Variants in GLRA3 observed in about 807,000 individuals in gnomAD.
The protein encoded by GLRA3 is glycine receptor subunit alpha-3.
GLRA3 carries 44 observed loss-of-function variants against 60.4 expected under a neutral mutation model. The ratio of observed to expected loss-of-function variants is 0.73; its 90% CI spans 0.57 to 0.94. The LOEUF (loss-of-function observed/expected upper bound fraction) is 0.94, where lower values mean the gene tolerates loss of function less well. GLRA3 is among the 40% of genes least tolerant of loss of function. The pLI is 0.00. For missense variants in GLRA3, 508 were observed against 564.6 expected (o/e 0.90, Z 1.02); for synonymous variants, 223 against 192.9 (o/e 1.16, Z -1.29).
At chr4:174,736,236 G>A (rs1388388458) in intron 3 of GLRA3, among the ~76,000 whole-genome samples, 8 of 151,670 alleles carry the variant, frequency 5.3e-5, no homozygotes, top group African/African-American at 1.9e-4. Context: ...TTAAAAAATT[G>A]TGGTCAAATA....
chr4:174,754,346 T>C (rs1737603187), intron 3 of GLRA3, among the ~76,000 whole-genome samples: 1 of 152,166 alleles, frequency 6.6e-6, no homozygotes, highest in Non-Finnish European at 1.5e-5. Flanking sequence ...TGGTTACTCA[T>C]GCATGGAATT....
chr4:174,804,609 G>A (rs191886470), intron 1 of GLRA3, among the ~76,000 whole-genome samples: 2 of 152,092 alleles, frequency 1.3e-5, no homozygotes, highest in African/African-American at 4.8e-5. Context: ...CATTCATCTG[G>A]GATAACACCC....
At chr4:174,783,134 G>C (rs890537691) in intron 2 of GLRA3, among the ~76,000 whole-genome samples, 60 of 152,006 alleles carry the variant, frequency 3.9e-4, no homozygotes, top group Middle Eastern at 3.4e-3. Context: ...TAGATCAATG[G>C]AACAGAACAG....
At chr4:174,730,128 A>G (rs1421919994) in intron 3 of GLRA3, among the ~76,000 whole-genome samples, 1 of 152,212 alleles carries the variant, frequency 6.6e-6, no homozygotes, top group East Asian at 1.9e-4. Context: ...GCTTTTTGCC[A>G]GAAAGCTCAC....
At position 174,765,496 on chromosome 4, in the gene GLRA3, T is replaced by C. The variant is rs572418698; in HGVS notation, c.267+1467A>G. On this transcript the variant is annotated intron_variant, in intron 3 of 9. Transcript: ENST00000274093. ...ATTTCCAGGTTTTTAGGATTACACA[T>C]GTATAGAAACAAAATGAGAAAATTG... is the stretch of plus-strand genomic sequence containing the variant. 3.0e-3 allele frequency among the ~76,000 whole-genome samples: 451 copies of C among 152,140 alleles called. 3 individuals carry two copies. The highest frequency in any genetic ancestry group is 0.01 in the African/African-American group (423 of 41,556).
At chr4:174,697,245 A>C (rs1424952800) in intron 5 of GLRA3, among the ~76,000 whole-genome samples, 4 of 152,196 alleles carry the variant, frequency 2.6e-5, no homozygotes, top group Non-Finnish European at 5.9e-5. Flanking sequence ...GTAAACCAGA[A>C]TCATATTTGG....
At chr4:174,724,639 G>A (rs181599358) in intron 4 of GLRA3, among the ~76,000 whole-genome samples, 13 of 151,822 alleles carry the variant, frequency 8.6e-5, no homozygotes, top group Non-Finnish European at 1.8e-4. Flanking sequence ...CTTGATATTC[G>A]TATGCTTCTT....
chr4:174,824,861 T>C (rs1000020521), intron 1 of GLRA3, among the ~76,000 whole-genome samples: 1 of 152,154 alleles, frequency 6.6e-6, no homozygotes, highest in Non-Finnish European at 1.5e-5. Flanking sequence ...AAAGGTGACA[T>C]TTGTTCAATC....
intron 1 of GLRA3, among the ~76,000 whole-genome samples, chr4:174,792,900 G>T (rs891740164): frequency 3.3e-5 from 5 of 152,108 alleles, no homozygotes; most frequent in African/African-American, 9.7e-5. Context: ...CCAGGTTGTG[G>T]ACTTTTCCTG....
intron 5 of GLRA3, chr4:174,712,439 T>C: frequency 6.6e-6 from 1 of 152,282 alleles, no homozygotes; most frequent in East Asian, 1.9e-4. Flanking sequence ...ATGTGGAATA[T>C]ATTAGGTATT....
chr4:174,660,630 T>C (rs754509367), intron 7 of GLRA3, among the ~76,000 whole-genome samples: 1 of 152,232 alleles, frequency 6.6e-6, no homozygotes, highest in Non-Finnish European at 1.5e-5. Flanking sequence ...TCTTTAAATC[T>C]TCACACACTA....
intron 3 of GLRA3, among the ~76,000 whole-genome samples, chr4:174,761,360 A>G (rs762307583): frequency 3.9e-5 from 6 of 152,160 alleles, no homozygotes; most frequent in Non-Finnish European, 5.9e-5. Context: ...GTTGCAAGTA[A>G]AATGTGAGCC....
chr4:174,698,109 T>C (rs567972918), intron 5 of GLRA3, among the ~76,000 whole-genome samples: 4 of 152,264 alleles, frequency 2.6e-5, no homozygotes, highest in African/African-American at 9.6e-5. Context: ...ACTTTAGCAA[T>C]ATCTGAAAGT....
chr4:174,797,254 G>A (rs1218352221), intron 1 of GLRA3, among the ~76,000 whole-genome samples: 2 of 152,142 alleles, frequency 1.3e-5, no homozygotes, highest in African/African-American at 2.4e-5. Flanking sequence ...CAGAGCTGAC[G>A]TATTTATAGC....
At chr4:174,734,986 T>C (rs888976793) in intron 3 of GLRA3, among the ~76,000 whole-genome samples, 2 of 152,312 alleles carry the variant, frequency 1.3e-5, no homozygotes, top group East Asian at 1.9e-4. Flanking sequence ...TTGCTGTCAA[T>C]GAAAAATAGT....
intron 4 of GLRA3, among the ~76,000 whole-genome samples, chr4:174,718,039 C>G: frequency 6.6e-6 from 1 of 152,084 alleles, no homozygotes; most frequent in East Asian, 1.9e-4. Flanking sequence ...TTACATAATT[C>G]TAAAAAAATA....
intron 9 of GLRA3, among the ~76,000 whole-genome samples, chr4:174,655,640 T>C (rs894335412): frequency 4.6e-5 from 7 of 152,070 alleles, no homozygotes; most frequent in Admixed American, 2.6e-4. Flanking sequence ...TAAATATATA[T>C]TGCAAACACT....
chr4:174,779,167 A>G (rs965472812), intron 2 of GLRA3, among the ~76,000 whole-genome samples: 4 of 152,222 alleles, frequency 2.6e-5, no homozygotes, highest in African/African-American at 4.8e-5. Context: ...CTGACCCCCA[A>G]GCAGCCTAAC....
chr4:174,773,812 T>C (rs906118622), intron 2 of GLRA3, among the ~76,000 whole-genome samples: 1 of 152,144 alleles, frequency 6.6e-6, no homozygotes, highest in African/African-American at 2.4e-5. Context: ...TTCCCCCAAA[T>C]GCTGCACTAA....
Sources: gnomAD v4.1 joint callset for allele counts (sites outside exome capture counted in the v4.1 genomes callset) on GRCh38, gnomAD v4.1.1 for gene constraint, MANE v1.5 for transcripts, NCBI Gene and HGNC (gene_info 2026-07-23, HGNC 2026-07-21) for gene names.